The following LAMA2 variants were observed in gnomAD, a reference collection of about 807,000 sequenced individuals.
LAMA2 encodes the protein laminin subunit alpha 2, also known as laminin subunit alpha-2.
LAMA2 carries 269 observed loss-of-function variants against 364.8 expected under a neutral mutation model. The observed-to-expected ratio is 0.74, with a 90% CI of 0.67 to 0.82. The LOEUF (loss-of-function observed/expected upper bound fraction) is 0.82, where lower values mean the gene tolerates loss of function less well. Among genes scored for constraint, LAMA2 ranks in the 40% least tolerant of loss-of-function variants. LAMA2 has a pLI of 0.00. For synonymous variants in LAMA2, 1,379 were observed against 1,370.6 expected, an observed-to-expected ratio of 1.01 and a Z score of -0.14; for missense variants, 3,807 against 3,873.2, an observed-to-expected ratio of 0.98 and a Z score of 0.45.
At chr6:129,302,310 C>T (rs1320661180) in intron 22 of LAMA2, among the ~76,000 whole-genome samples, 1 of 152,008 alleles carries the variant, frequency 6.6e-6, no homozygotes, top group Non-Finnish European at 1.5e-5. Flanking sequence ...GTCATTTATA[C>T]ATCTTTTTTG....
At chr6:129,512,219 C>T in intron 62 of LAMA2, 144 bp from the exon 63 acceptor site, 1 of 741,624 alleles carries the variant, frequency 1.3e-6, no homozygotes, top group South Asian at 1.8e-5. Context: ...GGAAGATAGG[C>T]CAGGCAGGAT....
intron 4 of LAMA2, among the ~76,000 whole-genome samples, chr6:129,116,685 A>C (rs1776503219): frequency 6.6e-6 from 1 of 152,136 alleles, no homozygotes. Context: ...AATTTTAATA[A>C]CATGCATTTT....
chr6:129,405,446 C>A (rs191021785), intron 40 of LAMA2, among the ~76,000 whole-genome samples: 113 of 152,116 alleles, frequency 7.4e-4, no homozygotes, highest in African/African-American at 2.6e-3. Flanking sequence ...TTCTTACCAC[C>A]CATGCTTATA....
intron 2 of LAMA2, among the ~76,000 whole-genome samples, chr6:129,053,326 A>T (rs34482742): frequency 6.6e-6 from 1 of 152,010 alleles, no homozygotes; most frequent in Admixed American, 6.6e-5. Flanking sequence ...CGGCCTCCCA[A>T]AGTGCTGGGA....
chr6:129,330,584 G>A (rs1583509247), intron 29 of LAMA2, among the ~76,000 whole-genome samples: 1 of 93,364 alleles, frequency 1.1e-5, no homozygotes, highest in South Asian at 3.5e-4. Context: ...TTTTTTTGTT[G>A]TTGTTTGGTT....
At position 129,049,903 on chromosome 6, in the gene LAMA2, G is replaced by A. The variant is rs1186410082; in HGVS notation, c.113-15G>A. The A allele has an allele frequency of 1.9e-6, 3 of 1,611,140 alleles. No homozygotes were observed. The highest frequency in any genetic ancestry group is 1.1e-5 in the South Asian group (1 of 90,972). On this transcript the variant is annotated splice_polypyrimidine_tract_variant and intron_variant, in intron 1 of 64. Coordinates refer to ENST00000421865, the MANE Select transcript of LAMA2 (RefSeq NM_000426.4). Reference sequence around the variant, plus strand: ...GTTTCTGGTCTACACACCTTCATTTGTCCATCTTTTTCAGGTTTATTCCCT... The same window carrying A: ...GTTTCTGGTCTACACACCTTCATTTATCCATCTTTTTCAGGTTTATTCCCT...
chr6:129,384,749 G>T (rs1447808045), intron 35 of LAMA2, among the ~76,000 whole-genome samples: 5 of 151,976 alleles, frequency 3.3e-5, no homozygotes, highest in Non-Finnish European at 7.4e-5. Flanking sequence ...ACCAGAGAAA[G>T]GATTACCCAT....
intron 1 of LAMA2, among the ~76,000 whole-genome samples, chr6:128,889,343 G>A (rs1330750366): frequency 6.6e-6 from 1 of 152,070 alleles, no homozygotes; most frequent in Non-Finnish European, 1.5e-5. Flanking sequence ...TTTCTTTTAT[G>A]ATATGAAATT....
chr6:129,415,083 G>T (rs1459570309), intron 40 of LAMA2, among the ~76,000 whole-genome samples: 1 of 152,154 alleles, frequency 6.6e-6, no homozygotes, highest in East Asian at 1.9e-4. Context: ...CTGTATAAAT[G>T]ATAGACTCTG....
intron 31 of LAMA2, among the ~76,000 whole-genome samples, chr6:129,352,465 T>C (rs1051918463): frequency 2.6e-5 from 4 of 152,212 alleles, no homozygotes; most frequent in Admixed American, 6.5e-5. Context: ...GAGGAAGATA[T>C]GGCAAAAAGA....
Position 129,189,590 on chromosome 6 carries a change from T to A in LAMA2, c.1468-615T>A, listed in dbSNP as rs563782160. ...CTATGTGACTAACTGATTGTACTGA[T>A]GTGTTACAGAAAACACTGTAAAAAG... is the stretch of plus-strand genomic sequence containing the variant. On this transcript the variant is annotated intron_variant, in intron 10 of 64. Coordinates refer to ENST00000421865, the MANE Select transcript of LAMA2 (RefSeq NM_000426.4). Among the ~76,000 whole-genome samples, 5 of 152,252 alleles carry A rather than the reference T, an allele frequency of 3.3e-5. No homozygotes were observed. The South Asian group carries it at 1.0e-3, about 32-fold the overall frequency.
intron 34 of LAMA2, among the ~76,000 whole-genome samples, chr6:129,373,796 C>A (rs1458854582): frequency 6.6e-6 from 1 of 152,120 alleles, no homozygotes; most frequent in Non-Finnish European, 1.5e-5. Context: ...GTGGGAAAAA[C>A]TTCAGAGGTA....
intron 53 of LAMA2, among the ~76,000 whole-genome samples, chr6:129,477,407 A>C (rs566084952): frequency 1.3e-5 from 2 of 152,294 alleles, no homozygotes; most frequent in Admixed American, 6.5e-5. Flanking sequence ...TTGTTTGTTG[A>C]GCACTTACTG....
intron 9 of LAMA2, among the ~76,000 whole-genome samples, chr6:129,167,155 T>G (rs1001587858): frequency 4.6e-5 from 7 of 152,068 alleles, no homozygotes; most frequent in Non-Finnish European, 7.4e-5. Context: ...TTTTTCCGAT[T>G]CAGTTTTTAT....
intron 12 of LAMA2, among the ~76,000 whole-genome samples, chr6:129,241,732 C>A (rs548751815): frequency 3.9e-5 from 6 of 152,228 alleles, no homozygotes; most frequent in African/African-American, 1.2e-4. Context: ...TAACACAACC[C>A]TTTACCTGTT....
chr6:129,038,576 G>A lies in LAMA2; in HGVS notation c.113-11342G>A, dbSNP rs568889389. Among the ~76,000 whole-genome samples the A allele has an allele frequency of 3.9e-5, 6 of 152,252 alleles. No individual in the cohort carries two copies. The South Asian group carries it at 8.3e-4, about 21-fold the overall frequency. ...AGAATAGTCATTGCTTACTGCTGCC[G>A]CCATCACTACTTTCTCTTTCATTCC... On this transcript the variant is annotated intron_variant, in intron 1 of 64. Coordinates refer to ENST00000421865, the MANE Select transcript of LAMA2 (RefSeq NM_000426.4).
At chr6:129,154,731 A>G (rs367791068) in intron 8 of LAMA2, 48 bp downstream of exon 8, 2 of 1,459,220 alleles carry the variant, frequency 1.4e-6, no homozygotes, top group African/African-American at 2.8e-5. Context: ...TTGCTTTTTC[A>G]TACAAAAATG....
intron 1 of LAMA2, among the ~76,000 whole-genome samples, chr6:128,984,832 A>T (rs1430011428): frequency 6.6e-6 from 1 of 152,152 alleles, no homozygotes; most frequent in Non-Finnish European, 1.5e-5. Context: ...TCTTTACAAA[A>T]CAACATAAAT....
At chr6:129,186,316 T>C (rs767263420) in intron 10 of LAMA2, among the ~76,000 whole-genome samples, 10 of 151,722 alleles carry the variant, frequency 6.6e-5, no homozygotes, top group Non-Finnish European at 1.3e-4. Context: ...TAAAATAACA[T>C]TCAGTCTGGA....
Sources: gnomAD v4.1 joint callset for allele counts (sites outside exome capture counted in the v4.1 genomes callset) on GRCh38, gnomAD v4.1.1 for gene constraint, MANE v1.5 for transcripts, NCBI Gene and HGNC (gene_info 2026-07-23, HGNC 2026-07-21) for gene names.